Variants in GPC5 observed in about 807,000 individuals in gnomAD.
GPC5 encodes glypican 5, also known as glypican-5.
Under a neutral mutation model 53.9 loss-of-function variants are expected in GPC5, and 47 were observed. The ratio of observed to expected loss-of-function variants is 0.87; its 90% CI spans 0.69 to 1.11. GPC5 has a LOEUF of 1.11. Among genes scored for constraint, GPC5 ranks in the 50% most tolerant of loss-of-function variants. GPC5 has a pLI of 0.00. For synonymous variants in GPC5, 286 were observed against 263.3 expected, an observed-to-expected ratio of 1.09 and a Z score of -0.84; for missense variants, 748 against 713.1, an observed-to-expected ratio of 1.05 and a Z score of -0.56.
chr13:92,590,647 G>A (rs775669525), intron 7 of GPC5, among the ~76,000 whole-genome samples: 16 of 152,216 alleles, frequency 1.1e-4, no homozygotes, highest in Admixed American at 4.6e-4. Flanking sequence ...GGACTCCTCC[G>A]TCAATTCAAG....
intron 7 of GPC5, among the ~76,000 whole-genome samples, chr13:92,710,971 T>A (rs938386499): frequency 2.0e-5 from 3 of 152,210 alleles, no homozygotes; most frequent in African/African-American, 7.2e-5. Context: ...ATAGTCTGCA[T>A]TATAAAAGTT....
At chr13:92,535,929 G>T (rs965593665) in intron 7 of GPC5, among the ~76,000 whole-genome samples, 1 of 151,988 alleles carries the variant, frequency 6.6e-6, no homozygotes, top group African/African-American at 2.4e-5. Flanking sequence ...ATCAAAATAT[G>T]TATTAAATTA....
At chr13:92,791,050 A>G (rs1876443003) in intron 7 of GPC5, among the ~76,000 whole-genome samples, 1 of 152,090 alleles carries the variant, frequency 6.6e-6, no homozygotes, top group Admixed American at 6.6e-5. Context: ...TATTGAAAAT[A>G]TTTGAAATAT....
At chr13:92,856,995 C>CA (rs919641975) in intron 7 of GPC5, among the ~76,000 whole-genome samples, 19 of 151,360 alleles carry the variant, frequency 1.3e-4, no homozygotes, top group South Asian at 2.1e-4. Context: ...TTATATGGAA[C>CA]AAAAAAAAGC....
At chr13:92,793,392 G>T (rs1376799298) in intron 7 of GPC5, among the ~76,000 whole-genome samples, 1 of 151,994 alleles carries the variant, frequency 6.6e-6, no homozygotes, top group East Asian at 1.9e-4. Flanking sequence ...AGCAGTGTGT[G>T]CAGGGACATT....
In GPC5 at chr13:91,912,495, C is replaced by CT. The variant is rs532185169; in HGVS notation, c.1401+4444dup. The stretch of plus-strand genomic sequence containing the variant: ...AAAAAGACAAGAGAAGGCATCTAGG[C>CT]TTTTTTCTATACTTAATTATACATA... On this transcript the variant is annotated intron_variant, in intron 6 of 7. Transcript: ENST00000377067. Among the ~76,000 whole-genome samples the CT allele has an allele frequency of 2.2e-3, 331 of 152,204 alleles. 1 individual carries two copies. The highest frequency in any genetic ancestry group is 6.7e-3 in the African/African-American group (280 of 41,526).
At chr13:92,463,944 TTTA>T (rs1878591900) in intron 7 of GPC5, among the ~76,000 whole-genome samples, 5 of 152,140 alleles carry the variant, frequency 3.3e-5, no homozygotes. Context: ...TCATCTTATT[TTTA>T]TTATTTTTGT....
chr13:92,618,231 G>A (rs1461575080), intron 7 of GPC5, among the ~76,000 whole-genome samples: 3 of 151,988 alleles, frequency 2.0e-5, no homozygotes, highest in Non-Finnish European at 4.4e-5. Flanking sequence ...AGATTTTATT[G>A]ACATATGTCT....
In GPC5 at chr13:91,484,204, G is replaced by A. The variant is rs181235322; in HGVS notation, c.325+35282G>A. ...GCATTGAAGCGAGGACTTTGACATCGTGAGAAATGGTCTGATAAAGAAGGA... is the reference window on the plus strand; with the variant it reads ...GCATTGAAGCGAGGACTTTGACATCATGAGAAATGGTCTGATAAAGAAGGA... On this transcript the variant is annotated intron_variant, in intron 2 of 7. Transcript: ENST00000377067. Among the ~76,000 whole-genome samples the A allele has an allele frequency of 2.5e-3, 386 of 152,174 alleles. 3 individuals are homozygous for A. Among genetic ancestry groups the A allele is most frequent in the African/African-American group, 8.8e-3 (366 of 41,530 alleles).
At chr13:91,593,969 T>C (rs2032901558) in intron 2 of GPC5, among the ~76,000 whole-genome samples, 3 of 152,234 alleles carry the variant, frequency 2.0e-5, no homozygotes, top group South Asian at 4.1e-4. Context: ...AACAGCTTTA[T>C]TTTTGAACAA....
At chr13:92,514,352 T>G (rs986852785) in intron 7 of GPC5, among the ~76,000 whole-genome samples, 29 of 152,252 alleles carry the variant, frequency 1.9e-4, no homozygotes, top group Middle Eastern at 3.4e-3. Context: ...TGTGCTGTTC[T>G]AGAGAACGCT....
At chr13:92,425,943 TATAGTTGGTGTTGTTAATAGCTCTCTAAC>T (rs1221725667) in intron 7 of GPC5, among the ~76,000 whole-genome samples, 1 of 152,154 alleles carries the variant, frequency 6.6e-6, no homozygotes, top group Non-Finnish European at 1.5e-5. Flanking sequence ...TTTACACATT[TATAGTTGGTGTTGTTAATAGCTCTCTAAC>T]ATTAGATCAA....
intron 7 of GPC5, among the ~76,000 whole-genome samples, chr13:92,622,861 T>A (rs569528155): frequency 6.6e-6 from 1 of 152,296 alleles, no homozygotes; most frequent in South Asian, 2.1e-4. Flanking sequence ...GAAGAGCCAG[T>A]TTTATAACTC....
At chr13:92,185,785 A>T (rs935646739) in intron 7 of GPC5, among the ~76,000 whole-genome samples, 1 of 152,172 alleles carries the variant, frequency 6.6e-6, no homozygotes, top group African/African-American at 2.4e-5. Context: ...AAATTAGAAT[A>T]TGTTGATTGA....
At chr13:92,469,883 A>C (rs967069983) in intron 7 of GPC5, among the ~76,000 whole-genome samples, 4 of 152,094 alleles carry the variant, frequency 2.6e-5, no homozygotes, top group Admixed American at 6.6e-5. Flanking sequence ...ACATGTGTAA[A>C]CTCACAACTC....
intron 7 of GPC5, among the ~76,000 whole-genome samples, chr13:92,602,834 T>G (rs1192804049): frequency 6.7e-6 from 1 of 150,286 alleles, no homozygotes; most frequent in Non-Finnish European, 1.5e-5. Flanking sequence ...GAAGTCCTTA[T>G]AGTCATAGTT....
chr13:91,916,589 A>G (rs1041402956), intron 6 of GPC5, among the ~76,000 whole-genome samples: 1 of 152,198 alleles, frequency 6.6e-6, no homozygotes, highest in Non-Finnish European at 1.5e-5. Context: ...CAATATTGAT[A>G]AATATGTTGT....
intron 7 of GPC5, among the ~76,000 whole-genome samples, chr13:92,764,379 C>T (rs116532285): frequency 5.9e-5 from 9 of 152,338 alleles, no homozygotes; most frequent in African/African-American, 2.2e-4. Context: ...TACAGTGGTG[C>T]AGCTCAGTAG....
chr13:92,100,445 G>A (rs1393476406), intron 6 of GPC5, among the ~76,000 whole-genome samples: 1 of 152,094 alleles, frequency 6.6e-6, no homozygotes, highest in Admixed American at 6.5e-5. Context: ...AAGGTCAAAA[G>A]AATAGTTAAA....
Sources: gnomAD v4.1 joint callset for allele counts (sites outside exome capture counted in the v4.1 genomes callset) on GRCh38, gnomAD v4.1.1 for gene constraint, MANE v1.5 for transcripts, NCBI Gene and HGNC (gene_info 2026-07-23, HGNC 2026-07-21) for gene names.